The following LCMT1 variants were observed in gnomAD, a reference collection of about 807,000 sequenced individuals.
LCMT1 encodes the protein leucine carboxyl methyltransferase 1.
LCMT1 carries 32 observed loss-of-function variants against 47.7 expected under a neutral mutation model. The observed-to-expected ratio is 0.67, with a 90% CI of 0.51 to 0.90. The LOEUF (loss-of-function observed/expected upper bound fraction) is 0.90. LCMT1 is among the 40% of genes least tolerant of loss of function. The pLI, the probability that LCMT1 is intolerant of heterozygous loss-of-function variation, is 0.00. For missense variants in LCMT1, 375 were observed against 415.2 expected (o/e 0.90, Z 0.84); for synonymous variants, 152 against 149.7 (o/e 1.02, Z -0.11).
chr16:25,113,303 G>T (rs1959687015), intron 1 of LCMT1, among the ~76,000 whole-genome samples: 1 of 152,190 alleles, frequency 6.6e-6, no homozygotes, highest in South Asian at 2.1e-4. Flanking sequence ...GGGAAAACCA[G>T]TGTGTTGGAT....
intron 10 of LCMT1, 131 bp from the exon 11 acceptor site, chr16:25,177,870 A>T: frequency 1.3e-6 from 1 of 759,082 alleles, no homozygotes; most frequent in East Asian, 2.5e-5. Flanking sequence ...CATTTTATGT[A>T]GCAGGAGGGC....
chr16:25,132,381 T>A, intron 2 of LCMT1, 21 bp from the exon 3 acceptor site: 1 of 1,612,736 alleles, frequency 6.2e-7, no homozygotes, highest in Non-Finnish European at 8.5e-7. Context: ...AGCTTGTTTC[T>A]GTGCCTCCCC....
intron 5 of LCMT1, 117 bp from the exon 6 acceptor site, chr16:25,160,985 T>TA (rs1452245880): frequency 2.1e-6 from 1 of 477,178 alleles, no homozygotes; most frequent in African/African-American, 5.1e-5. Context: ...TCCTCTTACG[T>TA]ATTTTTTTTT....
intron 1 of LCMT1, among the ~76,000 whole-genome samples, chr16:25,123,216 A>G (rs1386565636): frequency 7.2e-6 from 1 of 137,956 alleles, no homozygotes; most frequent in Non-Finnish European, 1.5e-5. Flanking sequence ...TGTATTATAT[A>G]TAACTTCTTT....
intron 1 of LCMT1, among the ~76,000 whole-genome samples, chr16:25,121,177 C>T (rs1959975523): frequency 1.3e-5 from 2 of 151,770 alleles, no homozygotes; most frequent in South Asian, 4.2e-4. Flanking sequence ...CCTGTAATCC[C>T]AGCACTTTGG....
intron 1 of LCMT1, among the ~76,000 whole-genome samples, chr16:25,118,894 T>C (rs1959882578): frequency 6.6e-6 from 1 of 151,870 alleles, no homozygotes; most frequent in African/African-American, 2.4e-5. Flanking sequence ...GGGAGGCTCT[T>C]GTAAGGACCC....
intron 7 of LCMT1, among the ~76,000 whole-genome samples, chr16:25,168,205 C>A (rs766614940): frequency 2.0e-5 from 3 of 151,778 alleles, no homozygotes; most frequent in East Asian, 3.9e-4. Context: ...CGTGCCACTG[C>A]GCCTGGCTGA....
chr16:25,123,170 A>G (rs188046266), intron 1 of LCMT1, among the ~76,000 whole-genome samples: 56 of 150,202 alleles, frequency 3.7e-4, no homozygotes, highest in Middle Eastern at 3.5e-3. Context: ...CAACTATTTA[A>G]TGGTCTGTAT....
At chr16:25,147,960 AC>A (rs1457839419) in intron 4 of LCMT1, 1 of 152,206 alleles carries the variant, frequency 6.6e-6, no homozygotes, top group Non-Finnish European at 1.5e-5. Context: ...TAGAAATGAT[AC>A]ATCCCAGGTG....
intron 4 of LCMT1, chr16:25,144,056 C>G (rs555293756): frequency 5.3e-5 from 8 of 152,366 alleles, no homozygotes; most frequent in African/African-American, 1.7e-4. Context: ...GGCCCTATTT[C>G]CTTGGCTGAT....
chr16:25,153,649 T>A (rs1216537094), intron 5 of LCMT1, among the ~76,000 whole-genome samples: 2 of 152,198 alleles, frequency 1.3e-5, no homozygotes, highest in Non-Finnish European at 2.9e-5. Context: ...ATATTGTGAT[T>A]TAAAAAATTT....
At chr16:25,120,221 T>C (rs1959927572) in intron 1 of LCMT1, among the ~76,000 whole-genome samples, 1 of 145,522 alleles carries the variant, frequency 6.9e-6, no homozygotes, top group Non-Finnish European at 1.5e-5. Context: ...ATTTTATGGG[T>C]TTTTTTGTTT....
At chr16:25,140,377 T>G in intron 4 of LCMT1, 130 bp downstream of exon 4, 1 of 680,994 alleles carries the variant, frequency 1.5e-6, no homozygotes, top group Non-Finnish European at 2.5e-6. Context: ...CCCACCAACT[T>G]TTTTTTTGCC....
At chr16:25,134,599 C>T (rs59800184) in intron 3 of LCMT1, among the ~76,000 whole-genome samples, 1,779 of 152,054 alleles carry the variant, frequency 0.012, 35 homozygotes, top group African/African-American at 0.04. Context: ...TTTGTTTTTC[C>T]GTCATTGTTA....
chr16:25,150,712 C>G (rs1961052747), intron 4 of LCMT1, among the ~76,000 whole-genome samples: 1 of 151,928 alleles, frequency 6.6e-6, no homozygotes, highest in African/African-American at 2.4e-5. Context: ...TAAATAAAAC[C>G]CTAATTCTTA....
chr16:25,162,689 T>A (rs1426719428), intron 6 of LCMT1, among the ~76,000 whole-genome samples: 1 of 152,142 alleles, frequency 6.6e-6, no homozygotes, highest in Non-Finnish European at 1.5e-5. Context: ...TGCTGAAATC[T>A]CTGAGAAATG....
intron 7 of LCMT1, among the ~76,000 whole-genome samples, chr16:25,166,752 T>G (rs1044400485): frequency 3.3e-5 from 5 of 152,196 alleles, no homozygotes; most frequent in African/African-American, 7.2e-5. Flanking sequence ...CCTCCCCAGG[T>G]CCTTTCCTGC....
intron 4 of LCMT1, among the ~76,000 whole-genome samples, chr16:25,149,243 C>T (rs1356814470): frequency 2.6e-5 from 4 of 152,142 alleles, no homozygotes; most frequent in Non-Finnish European, 4.4e-5. Flanking sequence ...TCTTTTGTGA[C>T]TTATTTTTTT....
chr16:25,111,765 C>T lies in LCMT1; in HGVS notation c.-119C>T, dbSNP rs1012936420. On this transcript the variant is annotated 5_prime_UTR_variant, in exon 1 of 11. Coordinates refer to ENST00000399069, the MANE Select transcript of LCMT1 (RefSeq NM_016309.3). ...GCGTCACTGAGCCGCGCCAGCTGAG[C>T]CAGGTAGGGCCCTACCCTCTTCTGT... The T allele has an allele frequency of 9.3e-5, 62 of 669,762 alleles. 2 individuals are homozygous for T. Among genetic ancestry groups the T allele is most frequent in the South Asian group, 9.1e-4 (50 of 54,698 alleles). The allele number at this position is 669,762 out of a possible 1,614,324, so 41.5% of individuals were successfully genotyped here. A position where few individuals can be genotyped will look rare whatever the true frequency, so the allele number is the denominator to read the frequency against.
Sources: allele counts gnomAD v4.1 joint callset (sites outside exome capture counted in the v4.1 genomes callset), GRCh38; gene constraint gnomAD v4.1.1; transcripts MANE v1.5; gene names NCBI Gene and HGNC (gene_info 2026-07-23, HGNC 2026-07-21).